Variants in STAT3 observed in about 807,000 individuals in gnomAD.
The protein encoded by STAT3 is signal transducer and activator of transcription 3.
Under a neutral mutation model 114.3 loss-of-function variants are expected in STAT3, and 7 were observed. That is an observed-to-expected ratio of 0.06 (90% CI 0.03 to 0.11). The LOEUF is 0.11. Among genes scored for constraint, STAT3 ranks in the 10% least tolerant of loss-of-function variants. The pLI, the probability that STAT3 is intolerant of heterozygous loss-of-function variation, is 1.00. For synonymous variants in STAT3, 331 were observed against 354.5 expected (o/e 0.93, Z 0.74); for missense variants, 364 against 960.9 (o/e 0.38, Z 8.21).
At chr17:42,339,430 G>C (rs1372321883) in intron 4 of STAT3, 21 bp from the exon 5 acceptor site, 2 of 1,611,894 alleles carry the variant, frequency 1.2e-6, no homozygotes, top group South Asian at 2.2e-5. Context: ...GGAGGTCAAT[G>C]CACATGTGAA....
At chr17:42,351,116 C>A (rs768339550) in intron 1 of STAT3, among the ~76,000 whole-genome samples, 5 of 122,536 alleles carry the variant, frequency 4.1e-5, no homozygotes, top group African/African-American at 1.3e-4. Context: ...GATGACATAG[C>A]GAGACTCCAT....
intron 3 of STAT3, among the ~76,000 whole-genome samples, 157 bp from the exon 4 acceptor site, chr17:42,345,814 C>G (rs1019766033): frequency 6.8e-6 from 1 of 147,234 alleles, no homozygotes; most frequent in South Asian, 2.2e-4. Flanking sequence ...GGCTCTCTGT[C>G]GGCGGGGGGC....
chr17:42,378,817 G>A (rs975212309), intron 1 of STAT3, among the ~76,000 whole-genome samples: 2 of 152,114 alleles, frequency 1.3e-5, no homozygotes, highest in African/African-American at 2.4e-5. Context: ...GGGGAGAGAA[G>A]GGGAAAACAA....
At chr17:42,327,448 T>C (rs1208771648) in intron 14 of STAT3, among the ~76,000 whole-genome samples, 3 of 152,232 alleles carry the variant, frequency 2.0e-5, no homozygotes, top group Admixed American at 6.5e-5. Flanking sequence ...CTGCAGTGTA[T>C]TCCTTTTCAC....
chr17:42,329,310 A>T lies in STAT3; in HGVS notation c.1281+100T>A, dbSNP rs909298978. The T allele has an allele frequency of 5.8e-6, 9 of 1,550,038 alleles. No individual in the cohort carries two copies. The African/African-American group carries it at 1.1e-4, about 19-fold the overall frequency. On this transcript the variant is annotated intron_variant, in intron 14 of 23. Transcript: ENST00000264657. ...TTTTGGAATAACTACAGCTGAAAGA[A>T]CAGGTTGATGTTTCTAATTCTGGGG...
chr17:42,340,011 GAATGA>G (rs1195459259), intron 4 of STAT3, among the ~76,000 whole-genome samples: 1 of 151,990 alleles, frequency 6.6e-6, no homozygotes, highest in Non-Finnish European at 1.5e-5. Context: ...ATGAATAAAT[GAATGA>G]ATGAATTAAA....
At chr17:42,385,750 T>C (rs2085068063) in intron 1 of STAT3, among the ~76,000 whole-genome samples, 1 of 152,208 alleles carries the variant, frequency 6.6e-6, no homozygotes, top group Admixed American at 6.6e-5. Flanking sequence ...ATGACTGTCC[T>C]TAATCTAAAA....
At chr17:42,361,089 C>A (rs2083484848) in intron 1 of STAT3, among the ~76,000 whole-genome samples, 2 of 152,142 alleles carry the variant, frequency 1.3e-5, no homozygotes, top group South Asian at 4.1e-4. Flanking sequence ...GAGGTCTCCA[C>A]CCTGGCTGAC....
intron 11 of STAT3, among the ~76,000 whole-genome samples, 190 bp from the exon 12 acceptor site, chr17:42,329,966 T>C: frequency 6.6e-6 from 1 of 152,230 alleles, no homozygotes; most frequent in South Asian, 2.1e-4. Context: ...TGCCTCCCCA[T>C]AGGAAGGGGA....
chr17:42,363,887 C>T (rs1279486652), intron 1 of STAT3, among the ~76,000 whole-genome samples: 1 of 152,052 alleles, frequency 6.6e-6, no homozygotes, highest in East Asian at 1.9e-4. Context: ...GTTATCCATC[C>T]CTTTCTTGTG....
chr17:42,321,689 G>A (rs1431345331), intron 21 of STAT3, among the ~76,000 whole-genome samples: 2 of 152,142 alleles, frequency 1.3e-5, no homozygotes, highest in Non-Finnish European at 2.9e-5. Flanking sequence ...GCCATATGCT[G>A]GGCTGAAATC....
Position 42,333,213 on chromosome 17 carries a change from C to CAT in STAT3, c.1049+459_1049+460insAT, listed in dbSNP as rs1567717725. ...TAAGTTTCTGAGGAGGGAAATTTTG[C>CAT]TGCAGAAGGTCAAAACCCCAGCACA... On this transcript the variant is annotated intron_variant, in intron 10 of 23. Transcript: ENST00000264657. This position sits in a 1 kb window ranked among gnomAD's most constrained non-coding sequence, Gnocchi z 5.2. Among the ~76,000 whole-genome samples, 22 of 151,900 alleles carry CAT rather than the reference C, an allele frequency of 1.4e-4. No individual in the cohort carries two copies. Among genetic ancestry groups the CAT allele is most frequent in the African/African-American group, 4.8e-4 (20 of 41,294 alleles).
chr17:42,377,648 T>C (rs1598521717), intron 1 of STAT3, among the ~76,000 whole-genome samples: 1 of 152,166 alleles, frequency 6.6e-6, no homozygotes, highest in Admixed American at 6.5e-5. Flanking sequence ...CTACATATCT[T>C]TTGTACTGAT....
At chr17:42,374,385 A>G (rs1225884039) in intron 1 of STAT3, among the ~76,000 whole-genome samples, 3 of 152,148 alleles carry the variant, frequency 2.0e-5, no homozygotes, top group Non-Finnish European at 2.9e-5. Flanking sequence ...AAGCAGGTGG[A>G]TCACCTGAGG....
chr17:42,333,988 A>G lies in STAT3; in HGVS notation c.859T>C (p.Leu287=), dbSNP rs1158926456. Reference sequence around the variant, plus strand: ...CCTTTGTAGGAAACTTTTTGCTGCAACTCCTCCAGTTTCTTAATTTGTTGA... The same window carrying G: ...CCTTTGTAGGAAACTTTTTGCTGCAGCTCCTCCAGTTTCTTAATTTGTTGA... ...TRQQIKKLEE[L]QQKVSYKGDP... Residue 287 remains leucine, a synonymous_variant, in exon 9 of 24, where the codon TTG becomes CTG. Transcript: ENST00000264657. The surrounding 1 kb of genome is among the most constrained non-coding windows in gnomAD (Gnocchi z 5.2). 2 of 1,613,634 alleles carry G rather than the reference A, an allele frequency of 1.2e-6. No individual in the cohort carries two copies. The highest frequency in any genetic ancestry group is 1.7e-6 in the Non-Finnish European group (2 of 1,179,962).
chr17:42,338,623 G>T, intron 6 of STAT3, 108 bp downstream of exon 6: 1 of 1,070,558 alleles, frequency 9.3e-7, no homozygotes. Context: ...TACCTCCCTT[G>T]CGCCCCGCCC....
chr17:42,359,051 T>A (rs2083378661), intron 1 of STAT3, among the ~76,000 whole-genome samples: 1 of 149,660 alleles, frequency 6.7e-6, no homozygotes, highest in Non-Finnish European at 1.5e-5. Flanking sequence ...TTCTCTTGCC[T>A]CAGCCTCCCG....
chr17:42,375,722 G>A (rs1016526812), intron 1 of STAT3, among the ~76,000 whole-genome samples: 1 of 151,998 alleles, frequency 6.6e-6, no homozygotes, highest in African/African-American at 2.4e-5. Flanking sequence ...CCAGCTACTC[G>A]GGAGGCTTAG....
At chr17:42,334,085 G>A (rs1187511007) in intron 8 of STAT3, 36 bp from the exon 9 acceptor site, 1 of 1,612,662 alleles carries the variant, frequency 6.2e-7, no homozygotes, top group Non-Finnish European at 8.5e-7. Context: ...AATTACCAAA[G>A]TGAATGTATA....
Sources: allele counts gnomAD v4.1 joint callset (sites outside exome capture counted in the v4.1 genomes callset), GRCh38; gene constraint gnomAD v4.1.1; non-coding constraint Gnocchi (gnomAD v3.1); transcripts MANE v1.5; gene names NCBI Gene and HGNC (gene_info 2026-07-23, HGNC 2026-07-21).